CDH2: variants seen among roughly 807,000 people sequenced by gnomAD.
CDH2 encodes cadherin 2.
CDH2 carries 17 observed loss-of-function variants against 92.0 expected under a neutral mutation model. The observed-to-expected ratio is 0.18, with a 90% CI of 0.13 to 0.28. The LOEUF is 0.28. Among genes scored for constraint, CDH2 ranks in the 10% least tolerant of loss-of-function variants. The probability of loss-of-function intolerance (pLI) is 1.00; values close to 1 mark genes in which losing one functional copy is unlikely to be tolerated. For missense variants in CDH2, 862 were observed against 1,133.1 expected (o/e 0.76, Z 3.44); for synonymous variants, 419 against 415.9 (o/e 1.01, Z -0.09).
intron 2 of CDH2, chr18:28,036,576 C>G: frequency 6.5e-7 from 1 of 1,541,780 alleles, no homozygotes; most frequent in Non-Finnish European, 8.9e-7. Context: ...TCCCATAATT[C>G]CTTCTGCTTA....
intron 2 of CDH2, among the ~76,000 whole-genome samples, chr18:28,014,933 G>T (rs1357092741): frequency 1.3e-5 from 2 of 152,066 alleles, no homozygotes; most frequent in African/African-American, 4.8e-5. Context: ...TATGGGAATA[G>T]CAAGTAAAGG....
At chr18:27,983,988 G>A (rs1290425602) in intron 13 of CDH2, among the ~76,000 whole-genome samples, 1 of 152,196 alleles carries the variant, frequency 6.6e-6, no homozygotes. Flanking sequence ...GGCCATAAAA[G>A]TAAATATCCT....
chr18:28,171,524 G>C (rs1172098894), intron 1 of CDH2, among the ~76,000 whole-genome samples: 1 of 152,020 alleles, frequency 6.6e-6, no homozygotes, highest in East Asian at 1.9e-4. Flanking sequence ...ACTGGCAAAG[G>C]TAGCACAGCC....
At chr18:27,980,686 T>TA (rs948663447) in intron 14 of CDH2, among the ~76,000 whole-genome samples, 30 of 147,610 alleles carry the variant, frequency 2.0e-4, no homozygotes, top group African/African-American at 7.5e-4. Context: ...GGTACCAAAT[T>TA]AAAAAAATTA....
chr18:27,967,164 T>C (rs2011551581), intron 14 of CDH2, among the ~76,000 whole-genome samples: 1 of 152,168 alleles, frequency 6.6e-6, no homozygotes, highest in South Asian at 2.1e-4. Context: ...AATACATGGC[T>C]TAGAGTGTCT....
chr18:28,121,199 TAAAC>T (rs2015582483), intron 2 of CDH2, among the ~76,000 whole-genome samples: 1 of 152,130 alleles, frequency 6.6e-6, no homozygotes, highest in African/African-American at 2.4e-5. Flanking sequence ...AACACCTAAA[TAAAC>T]TAAATTGTCC....
intron 2 of CDH2, among the ~76,000 whole-genome samples, chr18:28,144,875 CTTTGAG>C (rs1476829321): frequency 6.6e-6 from 1 of 151,942 alleles, no homozygotes; most frequent in Non-Finnish European, 1.5e-5. Flanking sequence ...ACAGTTAGTT[CTTTGAG>C]TTTGTTATTT....
chr18:28,083,889 A>G (rs1180719680), intron 2 of CDH2, among the ~76,000 whole-genome samples: 1 of 152,124 alleles, frequency 6.6e-6, no homozygotes, highest in African/African-American at 2.4e-5. Context: ...CCTCACATTC[A>G]CATTTTCACA....
chr18:28,077,890 C>CA lies in CDH2; in HGVS notation c.173-63982dup, dbSNP rs71171659. Among the ~76,000 whole-genome samples, 195 of 67,330 alleles carry CA rather than the reference C, an allele frequency of 2.9e-3. 3 individuals carry two copies. The highest frequency in any genetic ancestry group is 0.012 in the East Asian group (25 of 2,160). 44.2% of individuals were successfully genotyped at this position (67,330 alleles called of 152,430 possible). A position where few individuals can be genotyped will look rare whatever the true frequency, so the allele number is the denominator to read the frequency against. On this transcript the variant is annotated intron_variant, in intron 2 of 15. Transcript: ENST00000269141. The stretch of plus-strand genomic sequence containing the variant: ...TGGGCAACAGAGTGAGACCCTGTCT[C>CA]AAAAAAAAAAAAAAAAAAAAAAAAA...
intron 14 of CDH2, among the ~76,000 whole-genome samples, chr18:27,979,551 C>T (rs1020362706): frequency 6.6e-6 from 1 of 152,108 alleles, no homozygotes; most frequent in Non-Finnish European, 1.5e-5. Flanking sequence ...TCATAATAAC[C>T]CAACTGGAAA....
chr18:28,121,949 T>C (rs768830499), intron 2 of CDH2, among the ~76,000 whole-genome samples: 75 of 152,122 alleles, frequency 4.9e-4, no homozygotes, highest in Non-Finnish European at 1.2e-4. Flanking sequence ...ATGATTTCCT[T>C]CGGTAGAGAA....
chr18:28,036,515 T>C (rs760337820), intron 2 of CDH2: 1 of 1,607,758 alleles, frequency 6.2e-7, no homozygotes, highest in Non-Finnish European at 8.5e-7. Context: ...AATTTCTCAG[T>C]GAAGATACAC....
At chr18:27,994,573 G>C (rs2143982490) in intron 7 of CDH2, among the ~76,000 whole-genome samples, 1 of 152,316 alleles carries the variant, frequency 6.6e-6, no homozygotes, top group East Asian at 1.9e-4. Context: ...GAAATTTGCA[G>C]ATAGATCAAA....
At chr18:28,047,606 C>T (rs1213892239) in intron 2 of CDH2, among the ~76,000 whole-genome samples, 3 of 151,952 alleles carry the variant, frequency 2.0e-5, no homozygotes, top group Non-Finnish European at 2.9e-5. Context: ...CGGTGGCTCA[C>T]GCCTGTAATC....
At chr18:27,981,356 T>C (rs941242281) in intron 14 of CDH2, among the ~76,000 whole-genome samples, 1 of 152,196 alleles carries the variant, frequency 6.6e-6, no homozygotes, top group African/African-American at 2.4e-5. Flanking sequence ...AAACATGAAT[T>C]TTAATATTCA....
chr18:28,120,964 A>T (rs1455832265), intron 2 of CDH2, among the ~76,000 whole-genome samples: 2 of 152,126 alleles, frequency 1.3e-5, no homozygotes, highest in Non-Finnish European at 2.9e-5. Flanking sequence ...GACTCTACTC[A>T]CAGGCACTGT....
chr18:28,069,630 C>A (rs1024743997), intron 2 of CDH2, among the ~76,000 whole-genome samples: 4 of 152,132 alleles, frequency 2.6e-5, no homozygotes, highest in African/African-American at 9.7e-5. Context: ...TATATATTAT[C>A]AGGATGCAGT....
At chr18:27,967,779 C>T (rs150176790) in intron 14 of CDH2, among the ~76,000 whole-genome samples, 1 of 152,006 alleles carries the variant, frequency 6.6e-6, no homozygotes, top group Non-Finnish European at 1.5e-5. Flanking sequence ...GTCTTAAGGG[C>T]GATATAGTTC....
Position 28,147,729 on chromosome 18 carries a change from T to C in CDH2, c.116A>G (p.Asp39Gly), listed in dbSNP as rs769118218. 1 of 1,612,790 alleles carries C rather than the reference T, an allele frequency of 6.2e-7. No individual in the cohort carries two copies. Among genetic ancestry groups the C allele is most frequent in the Non-Finnish European group, 8.5e-7 (1 of 1,179,514 alleles). The change falls in exon 2 of 16, where the codon GAT (aspartate) becomes GGT (glycine). Residue 39 changes from aspartate (D) to glycine (G), a missense_variant. Physicochemically the swap from Asp to Gly is moderately conservative, Grantham distance 94. Transcript: ENST00000269141. The part of the protein sequence containing the change: ...IALCKTGFPE[D>G]VYSAVLSKDV... ...CTTCGATAAGACTGCACTGTAAACA[T>C]CTTCAGGAAATCCAGTCTTGCATAA...
Sources: gnomAD v4.1 joint callset for allele counts (sites outside exome capture counted in the v4.1 genomes callset) on GRCh38, gnomAD v4.1.1 for gene constraint, MANE v1.5 for transcripts, NCBI Gene and HGNC (gene_info 2026-07-23, HGNC 2026-07-21) for gene names.